ANKRD16: variants seen among roughly 807,000 people sequenced by gnomAD.
The protein encoded by ANKRD16 is ankyrin repeat domain 16.
In ANKRD16, 35 loss-of-function variants were observed where a neutral mutation model predicts 37.9. The observed-to-expected ratio is 0.92, with a 90% CI of 0.71 to 1.23. The LOEUF is 1.23. Ranked by LOEUF, ANKRD16 falls within the 50% of genes most tolerant of loss-of-function variation. The pLI, the probability that ANKRD16 is intolerant of heterozygous loss-of-function variation, is 0.00. For synonymous variants in ANKRD16, 206 were observed against 197.2 expected (o/e 1.04, Z -0.37); for missense variants, 480 against 469.9 (o/e 1.02, Z -0.20).
Position 5,887,850 on chromosome 10 carries a change from C to T in ANKRD16, c.532G>A (p.Ala178Thr), listed in dbSNP as rs770523835. Residue 178 changes from alanine (A) to threonine (T), a missense_variant, in exon 2 of 8, where the codon GCA becomes ACA. Coordinates refer to ENST00000380094, the MANE Select transcript of ANKRD16 (RefSeq NM_019046.3). ...SKIRRTPLHTAAMHGHLEAVK... is the reference protein window; with the variant it reads ...SKIRRTPLHTTAMHGHLEAVK... The stretch of plus-strand genomic sequence containing the variant: ...CCTGCAGAGCTGTAGGCTGTACCTG[C>T]AGTATGCAGAGGAGTCCTTCTAATT... The T allele has an allele frequency of 1.2e-6, 2 of 1,612,856 alleles. No individual in the cohort carries two copies. The highest frequency in any genetic ancestry group is 2.2e-5 in the South Asian group (2 of 90,894).
At position 5,880,392 on chromosome 10, in the gene ANKRD16, T is replaced by C. The variant is rs1842277160; in HGVS notation, c.850-16A>G. 2.6e-6 allele frequency: 4 copies of C among 1,549,294 alleles called. No individual in the cohort carries two copies. The Admixed American group carries it at 5.6e-5, about 22-fold the overall frequency. Reference sequence around the variant, plus strand: ...TATGTCCTTCCTGAATTGAAACAAATTTGTTATCACTGTGATGAGGATAAA... The same window carrying C: ...TATGTCCTTCCTGAATTGAAACAAACTTGTTATCACTGTGATGAGGATAAA... On this transcript the variant is annotated splice_polypyrimidine_tract_variant and intron_variant, in intron 5 of 7. Coordinates refer to ENST00000380094, the MANE Select transcript of ANKRD16 (RefSeq NM_019046.3).
chr10:5,883,250 G>C (rs1842350600), intron 4 of ANKRD16, 83 bp from the exon 5 acceptor site: 1 of 1,404,366 alleles, frequency 7.1e-7, no homozygotes, highest in South Asian at 1.3e-5. Context: ...TGGCACTTCA[G>C]CAAAACTGAG....
At position 5,864,859 on chromosome 10, in the gene ANKRD16, C is replaced by T. The variant is rs574255948; in HGVS notation, c.*34-2168G>A. Among the ~76,000 whole-genome samples, 1 of 152,176 alleles carries T rather than the reference C, an allele frequency of 6.6e-6. No homozygotes were observed. The highest frequency in any genetic ancestry group is 2.4e-5 in the African/African-American group (1 of 41,444). On this transcript the variant is annotated intron_variant, in intron 7 of 7. Coordinates refer to ENST00000380094, the MANE Select transcript of ANKRD16 (RefSeq NM_019046.3). The surrounding 1 kb of genome is among the most constrained non-coding windows in gnomAD (Gnocchi z 4.4). ...CAGGGAAAGGAAGAAAATCCTTCTG[C>T]CTTCCTCGAGCGGCTACGGGAGGCC...
chr10:5,879,190 T>C (rs1842240043), intron 6 of ANKRD16, among the ~76,000 whole-genome samples: 1 of 152,112 alleles, frequency 6.6e-6, no homozygotes, highest in African/African-American at 2.4e-5. Flanking sequence ...AAGATCCCAC[T>C]AGGCCAGGCG....
intron 5 of ANKRD16, among the ~76,000 whole-genome samples, chr10:5,882,062 C>T (rs950059192): frequency 2.9e-4 from 44 of 151,966 alleles, no homozygotes; most frequent in Non-Finnish European, 5.0e-4. Flanking sequence ...TGAGCCACTG[C>T]GCCTGGCCTA....
rs1841961099 is a variant in ANKRD16, at chr10:5,862,770, C to T, written c.*34-79G>A. The stretch of plus-strand genomic sequence containing the variant: ...AGAGGGCAAGCAGCTAGCACAAGGT[C>T]CCACAGCTGGACTCAGGGCTGCTGG... On this transcript the variant is annotated intron_variant, in intron 7 of 7. Coordinates refer to ENST00000380094, the MANE Select transcript of ANKRD16 (RefSeq NM_019046.3). This position sits in a 1 kb window ranked among gnomAD's most constrained non-coding sequence, Gnocchi z 6.5. 2.0e-6 allele frequency: 2 copies of T among 1,025,136 alleles called. No individual in the cohort carries two copies. Among genetic ancestry groups the T allele is most frequent in the African/African-American group, 3.3e-5 (2 of 60,368 alleles). 63.5% of individuals were successfully genotyped at this position (1,025,136 alleles called of 1,614,324 possible). A position where few individuals can be genotyped will look rare whatever the true frequency, so the allele number is the denominator to read the frequency against.
intron 4 of ANKRD16, 151 bp from the exon 5 acceptor site, chr10:5,883,318 G>C (rs1842351709): frequency 4.6e-6 from 4 of 862,848 alleles, no homozygotes; most frequent in Non-Finnish European, 6.9e-6. Flanking sequence ...ATTTTCAAAG[G>C]ATTCTTTTTT....
intron 2 of ANKRD16, 151 bp downstream of exon 2, chr10:5,887,695 AC>A (rs1421260512): frequency 1.0e-5 from 1 of 95,548 alleles, no homozygotes; most frequent in African/African-American, 7.4e-5. Context: ...CCCCGCCCCC[AC>A]CCCCTCCCCC....
In ANKRD16 at chr10:5,866,045, C is replaced by A. The variant is rs528157223; in HGVS notation, c.*34-3354G>T. On this transcript the variant is annotated intron_variant, in intron 7 of 7. Transcript: ENST00000380094. This position sits in a 1 kb window ranked among gnomAD's most constrained non-coding sequence, Gnocchi z 4.3. ...GCGGTGGCCGTCTCAGTGTTAGAGG[C>A]TATCAAAATAATACAAGGAAAGGAT... Among the ~76,000 whole-genome samples, 10 of 152,118 alleles carry A rather than the reference C, an allele frequency of 6.6e-5. No homozygotes were observed. Among genetic ancestry groups the A allele is most frequent in the Non-Finnish European group, 1.5e-4 (10 of 68,028 alleles).
chr10:5,870,350 C>G lies in ANKRD16; in HGVS notation c.*34-7659G>C, dbSNP rs929345364. The stretch of plus-strand genomic sequence containing the variant: ...TGAGGTCAGCGTTGGCTCTTGGCCT[C>G]TCTTCCCTGCGACTCTGCCCGGGCA... On this transcript the variant is annotated intron_variant, in intron 7 of 7. Transcript: ENST00000380094. The surrounding 1 kb of genome is among the most constrained non-coding windows in gnomAD (Gnocchi z 5.0). Among the ~76,000 whole-genome samples, 3 of 151,780 alleles carry G rather than the reference C, an allele frequency of 2.0e-5. No individual in the cohort carries two copies. Among genetic ancestry groups the G allele is most frequent in the African/African-American group, 7.3e-5 (3 of 41,332 alleles).
chr10:5,886,081 A>G (rs1305996784), intron 2 of ANKRD16, among the ~76,000 whole-genome samples: 1 of 152,200 alleles, frequency 6.6e-6, no homozygotes, highest in East Asian at 1.9e-4. Context: ...ATTTTTGCCC[A>G]GGAAATGCAA....
rs969856572 is a variant in ANKRD16, at chr10:5,869,179, A to T, written c.*34-6488T>A. Among the ~76,000 whole-genome samples the T allele has an allele frequency of 6.6e-6, 1 of 152,142 alleles. No individual in the cohort carries two copies. Among genetic ancestry groups the T allele is most frequent in the Non-Finnish European group, 1.5e-5 (1 of 68,030 alleles). ...CAATGTGGCCCAAGGGAGACAAAAGATTAGATACCCTGCTTTTGGAGGCGA... is the reference window on the plus strand; with the variant it reads ...CAATGTGGCCCAAGGGAGACAAAAGTTTAGATACCCTGCTTTTGGAGGCGA... On this transcript the variant is annotated intron_variant, in intron 7 of 7. Transcript: ENST00000380094. The surrounding 1 kb of genome is among the most constrained non-coding windows in gnomAD (Gnocchi z 4.0).
chr10:5,873,335 G>A (rs971805183), intron 7 of ANKRD16, among the ~76,000 whole-genome samples: 9 of 150,688 alleles, frequency 6.0e-5, no homozygotes. Context: ...CAGCACGCCT[G>A]GACAATTTTT....
Position 5,868,545 on chromosome 10 carries a change from T to C in ANKRD16, c.*34-5854A>G, listed in dbSNP as rs542285624. 2.6e-5 allele frequency among the ~76,000 whole-genome samples: 4 copies of C among 152,238 alleles called. No homozygotes were observed. In the East Asian group the frequency reaches 5.8e-4, roughly 22 times the overall value. ...CAGCGCTCTGTGTCTAGCTAAAGGATTGTAAACACACCAATCAGCACTCTG... is the reference window on the plus strand; with the variant it reads ...CAGCGCTCTGTGTCTAGCTAAAGGACTGTAAACACACCAATCAGCACTCTG... On this transcript the variant is annotated intron_variant, in intron 7 of 7. Transcript: ENST00000380094. The surrounding 1 kb of genome is among the most constrained non-coding windows in gnomAD (Gnocchi z 4.9).
intron 7 of ANKRD16, among the ~76,000 whole-genome samples, chr10:5,872,205 G>C (rs768289035): frequency 1.3e-5 from 2 of 152,180 alleles, no homozygotes; most frequent in African/African-American, 4.8e-5. Flanking sequence ...AGGGCCAAGT[G>C]TGGTGGCTCA....
chr10:5,888,561 G>C (rs1390382879), intron 1 of ANKRD16, among the ~76,000 whole-genome samples: 1 of 152,246 alleles, frequency 6.6e-6, no homozygotes, highest in African/African-American at 2.4e-5. Flanking sequence ...TCTGACTGTG[G>C]TGGTTATGCA....
Position 5,874,180 on chromosome 10 carries a change from T to C in ANKRD16, c.*33+3917A>G, listed in dbSNP as rs628234. Among the ~76,000 whole-genome samples, 125,677 of 152,182 alleles carry C rather than the reference T, an allele frequency of 0.83. 52,293 individuals are homozygous for C. Among genetic ancestry groups the C allele is most frequent in the Admixed American group, 0.87 (13,376 of 15,296 alleles). ...CTGGGACTACAGGTGTAAGCCATCG[T>C]GCCTGGGCGAGACTTCTGCTTTGAT... is the stretch of plus-strand genomic sequence containing the variant. On this transcript the variant is annotated intron_variant, in intron 7 of 7. Transcript: ENST00000380094. The surrounding 1 kb of genome is among the most constrained non-coding windows in gnomAD (Gnocchi z 4.7).
intron 3 of ANKRD16, among the ~76,000 whole-genome samples, chr10:5,884,546 T>C (rs972770054): frequency 6.6e-6 from 1 of 151,952 alleles, no homozygotes; most frequent in African/African-American, 2.4e-5. Context: ...GCCTGGCCAA[T>C]GTGGTGAAAC....
In ANKRD16 at chr10:5,865,950, A is replaced by G. The variant is rs1030582935; in HGVS notation, c.*34-3259T>C. The stretch of plus-strand genomic sequence containing the variant: ...AGACTCATGGGACAACCCCACAACC[A>G]GTGGCATACCTAAGTAAGGAAACTG... On this transcript the variant is annotated intron_variant, in intron 7 of 7. Transcript: ENST00000380094. This position sits in a 1 kb window ranked among gnomAD's most constrained non-coding sequence, Gnocchi z 4.7. 6.6e-6 allele frequency among the ~76,000 whole-genome samples: 1 copy of G among 152,206 alleles called. No homozygotes were observed. Among genetic ancestry groups the G allele is most frequent in the Non-Finnish European group, 1.5e-5 (1 of 68,026 alleles).
Sources: gnomAD v4.1 joint callset for allele counts (sites outside exome capture counted in the v4.1 genomes callset) on GRCh38, gnomAD v4.1.1 for gene constraint, Gnocchi (gnomAD v3.1) non-coding constraint, MANE v1.5 for transcripts, NCBI Gene and HGNC (gene_info 2026-07-23, HGNC 2026-07-21) for gene names.